The following PARVB variants were observed in gnomAD, a reference collection of about 807,000 sequenced individuals.
The protein encoded by PARVB is parvin beta.
In PARVB, 46 loss-of-function variants were observed where a neutral mutation model predicts 47.0. The ratio of observed to expected loss-of-function variants is 0.98; its 90% CI spans 0.77 to 1.25. The LOEUF is 1.25. PARVB is among the 50% of genes most tolerant of loss of function. The pLI is 0.00. For missense variants in PARVB, 473 were observed against 471.6 expected, an observed-to-expected ratio of 1.00 and a Z score of -0.03; for synonymous variants, 196 against 196.3, an observed-to-expected ratio of 1.00 and a Z score of 0.01.
intron 4 of PARVB, among the ~76,000 whole-genome samples, chr22:44,121,051 C>T (rs992774789): frequency 2.6e-5 from 4 of 152,110 alleles, no homozygotes; most frequent in African/African-American, 9.7e-5. Context: ...CCATGTTGGC[C>T]AGGATGGTCT....
At chr22:44,018,726 A>T (rs1036038757) in intron 2 of PARVB, among the ~76,000 whole-genome samples, 1 of 151,958 alleles carries the variant, frequency 6.6e-6, no homozygotes, top group Non-Finnish European at 1.5e-5. Context: ...CCTTCCTTGC[A>T]CAAGATCAAG....
chr22:44,004,393 T>G (rs2050442961), intron 2 of PARVB, among the ~76,000 whole-genome samples: 1 of 152,084 alleles, frequency 6.6e-6, no homozygotes, highest in South Asian at 2.1e-4. Context: ...TGCTGCAAAG[T>G]GTGACCCCCC....
intron 9 of PARVB, chr22:44,148,576 G>T (rs2053737430): frequency 6.3e-6 from 1 of 158,446 alleles, no homozygotes; most frequent in African/African-American, 2.4e-5. Context: ...CATCGGAGGA[G>T]CGCTCATTTC....
At chr22:44,059,115 A>G (rs2051373458) in intron 1 of PARVB, among the ~76,000 whole-genome samples, 2 of 137,206 alleles carry the variant, frequency 1.5e-5, no homozygotes, top group African/African-American at 2.8e-5. Context: ...GCACGATCTC[A>G]GGTCACTACA....
intron 1 of PARVB, among the ~76,000 whole-genome samples, chr22:44,039,145 A>T (rs1423519288): frequency 6.6e-6 from 1 of 152,226 alleles, no homozygotes; most frequent in Non-Finnish European, 1.5e-5. Flanking sequence ...AGGGATGTGC[A>T]GTGGTGTGGC....
At chr22:44,123,813 G>C (rs1433027280) in intron 4 of PARVB, among the ~76,000 whole-genome samples, 2 of 152,226 alleles carry the variant, frequency 1.3e-5, no homozygotes, top group East Asian at 3.9e-4. Context: ...TTATAGGCAT[G>C]AGCCACTGCG....
chr22:44,022,808 A>G (rs550505866), upstream of PARVB, among the ~76,000 whole-genome samples: 1 of 151,362 alleles, frequency 6.6e-6, no homozygotes, highest in Non-Finnish European at 1.5e-5. Flanking sequence ...GTGCAGTAGC[A>G]TGATCTCTGC....
At chr22:44,062,266 T>C (rs1385453609) in intron 1 of PARVB, among the ~76,000 whole-genome samples, 2 of 152,070 alleles carry the variant, frequency 1.3e-5, no homozygotes, top group Non-Finnish European at 2.9e-5. Flanking sequence ...AGGTGAGGGC[T>C]CAGCCCCACG....
rs543754435 is a variant in PARVB at position 44,156,641 on chromosome 22, C to T, written c.844-1341C>T. Among the ~76,000 whole-genome samples, 9 of 152,162 alleles carry T rather than the reference C, an allele frequency of 5.9e-5. No individual in the cohort carries two copies. In the South Asian group the frequency reaches 1.9e-3, roughly 32 times the overall value. On this transcript the variant is annotated intron_variant, in intron 10 of 12. Transcript: ENST00000338758. The stretch of plus-strand genomic sequence containing the variant: ...ATTCTGGAGATTGTTTGTACAATAA[C>T]GTGAATGCACCTAACATGATTGAAC...
intron 1 of PARVB, among the ~76,000 whole-genome samples, chr22:44,058,560 T>A (rs564971505): frequency 6.8e-6 from 1 of 146,830 alleles, no homozygotes; most frequent in East Asian, 2.0e-4. Context: ...TTTTTTTTTT[T>A]TTTTTTTTTT....
chr22:44,073,188 G>A (rs1409496452), intron 1 of PARVB, among the ~76,000 whole-genome samples: 2 of 152,170 alleles, frequency 1.3e-5, no homozygotes, highest in Non-Finnish European at 2.9e-5. Flanking sequence ...TTAAGTGGAG[G>A]AAATTTAAAG....
At chr22:44,007,996 A>G (rs1334531410) in intron 2 of PARVB, among the ~76,000 whole-genome samples, 4 of 152,196 alleles carry the variant, frequency 2.6e-5, no homozygotes, top group African/African-American at 9.7e-5. Flanking sequence ...GCTGAGTCAG[A>G]ATTTCATGTA....
rs1027428311 is a variant in PARVB at position 44,091,446 on chromosome 22, G to A, written c.113-2482G>A. Reference sequence around the variant, plus strand: ...CAGAACTCTTTCATCTTTCCAAACCGAAACTCTGCCATCATTCAACACTAC... The same window carrying A: ...CAGAACTCTTTCATCTTTCCAAACCAAAACTCTGCCATCATTCAACACTAC... On this transcript the variant is annotated intron_variant, in intron 1 of 12. Coordinates refer to ENST00000338758, the MANE Select transcript of PARVB (RefSeq NM_013327.5). Among the ~76,000 whole-genome samples the A allele has an allele frequency of 8.6e-5, 13 of 151,938 alleles. 1 individual carries two copies. The highest frequency in any genetic ancestry group is 2.1e-4 in the South Asian group (1 of 4,808).
intron 1 of PARVB, among the ~76,000 whole-genome samples, chr22:44,081,271 C>G (rs557128568): frequency 6.6e-6 from 1 of 152,126 alleles, no homozygotes; most frequent in Admixed American, 6.5e-5. Flanking sequence ...CCAAATCCAC[C>G]TGCTTTTGGA....
intron 1 of PARVB, among the ~76,000 whole-genome samples, chr22:44,026,714 C>T (rs1467781979): frequency 6.6e-6 from 1 of 152,178 alleles, no homozygotes; most frequent in African/African-American, 2.4e-5. Context: ...GGGAGGTTTC[C>T]ACGACCCTGC....
At chr22:44,140,592 TC>T (rs2053531954) in intron 8 of PARVB, 1 of 520,788 alleles carries the variant, frequency 1.9e-6, no homozygotes, top group Non-Finnish European at 3.8e-6. Context: ...TTAGCAGACT[TC>T]CTTAGAGTCA....
intron 1 of PARVB, among the ~76,000 whole-genome samples, chr22:44,028,750 C>G (rs576460814): frequency 6.6e-6 from 1 of 152,308 alleles, no homozygotes; most frequent in South Asian, 2.1e-4. Flanking sequence ...ATTTATTCAC[C>G]GGTGGCGAAC....
At chr22:44,021,317 C>T (rs752733384), upstream of PARVB, among the ~76,000 whole-genome samples, 10 of 152,256 alleles carry the variant, frequency 6.6e-5, no homozygotes, top group South Asian at 2.1e-4. Flanking sequence ...AATTTCTCCA[C>T]GGCCAGCTCC....
At chr22:44,130,669 T>A (rs1569140417) in intron 4 of PARVB, among the ~76,000 whole-genome samples, 1 of 152,172 alleles carries the variant, frequency 6.6e-6, no homozygotes, top group Admixed American at 6.5e-5. Context: ...AGACCTTTTT[T>A]AAAATTATCT....
Sources: gnomAD v4.1 joint callset for allele counts (sites outside exome capture counted in the v4.1 genomes callset) on GRCh38, gnomAD v4.1.1 for gene constraint, MANE v1.5 for transcripts, NCBI Gene and HGNC (gene_info 2026-07-23, HGNC 2026-07-21) for gene names.